Variants in SGCZ observed in about 807,000 individuals in gnomAD.
SGCZ encodes the protein sarcoglycan zeta, also known as zeta-sarcoglycan.
A neutral mutation model predicts 41.3 loss-of-function variants in SGCZ; 40 were observed. That is an observed-to-expected ratio of 0.97 (90% CI 0.75 to 1.26). SGCZ has a LOEUF of 1.26. Ranked by LOEUF, SGCZ falls within the 50% of genes most tolerant of loss-of-function variation. The pLI is 0.00. For missense variants in SGCZ, 552 were observed against 369.8 expected (o/e 1.49, Z -4.04); for synonymous variants, 206 against 137.5 (o/e 1.50, Z -3.49).
At chr8:14,512,140 C>T (rs905547490) in intron 2 of SGCZ, among the ~76,000 whole-genome samples, 2 of 152,108 alleles carry the variant, frequency 1.3e-5, no homozygotes, top group Admixed American at 6.6e-5. Context: ...GTATTTTCTA[C>T]TCTGTTAGGA....
chr8:14,243,934 C>T (rs1353824139), intron 3 of SGCZ, among the ~76,000 whole-genome samples: 2 of 152,144 alleles, frequency 1.3e-5, no homozygotes, highest in African/African-American at 2.4e-5. Flanking sequence ...GTCCTGAAAA[C>T]ATAGTATGCT....
intron 1 of SGCZ, among the ~76,000 whole-genome samples, chr8:15,003,996 G>A (rs560759380): frequency 3.9e-5 from 6 of 152,058 alleles, no homozygotes; most frequent in Non-Finnish European, 5.9e-5. Flanking sequence ...AGCAGGAGGG[G>A]GGAAGCCCCT....
Position 14,437,935 on chromosome 8 carries a change from G to C in SGCZ, c.235-113731C>G, listed in dbSNP as rs188256432. On this transcript the variant is annotated intron_variant, in intron 2 of 7. Coordinates refer to ENST00000382080, the MANE Select transcript of SGCZ (RefSeq NM_139167.4). ...TGTAAAGCTAGATGATTACCGATTT[G>C]TGTTGTAAATAGTTTGGCATATAAA... Among the ~76,000 whole-genome samples the C allele has an allele frequency of 2.0e-5, 3 of 151,914 alleles. No individual in the cohort carries two copies. In the East Asian group the frequency reaches 5.8e-4, roughly 29 times the overall value.
chr8:14,920,919 A>G (rs1799570771), intron 1 of SGCZ, among the ~76,000 whole-genome samples: 1 of 152,190 alleles, frequency 6.6e-6, no homozygotes, highest in Non-Finnish European at 1.5e-5. Flanking sequence ...TCATTTTCCC[A>G]GCCATCAGCA....
chr8:14,696,361 C>G (rs147859993), intron 1 of SGCZ, among the ~76,000 whole-genome samples: 5 of 152,144 alleles, frequency 3.3e-5, no homozygotes, highest in African/African-American at 1.2e-4. Flanking sequence ...CTGAGTGAGA[C>G]TGGGAATTGC....
At chr8:14,531,275 C>T (rs1237124980) in intron 2 of SGCZ, among the ~76,000 whole-genome samples, 2 of 47,282 alleles carry the variant, frequency 4.2e-5, no homozygotes, top group African/African-American at 1.3e-4. Flanking sequence ...TGGCAATCCA[C>T]TTTCGGGTCC....
At chr8:15,123,391 ATC>A (rs1244099301) in intron 1 of SGCZ, among the ~76,000 whole-genome samples, 1 of 152,082 alleles carries the variant, frequency 6.6e-6, no homozygotes, top group East Asian at 1.9e-4. Context: ...CTTGCATTGT[ATC>A]TTATATGCAA....
intron 2 of SGCZ, among the ~76,000 whole-genome samples, chr8:14,370,826 G>C (rs1803883214): frequency 6.6e-6 from 1 of 151,536 alleles, no homozygotes; most frequent in Non-Finnish European, 1.5e-5. Context: ...CATAGTTTTT[G>C]GTAAAAATTT....
intron 1 of SGCZ, among the ~76,000 whole-genome samples, chr8:14,947,236 G>A (rs950775224): frequency 6.6e-6 from 1 of 152,136 alleles, no homozygotes; most frequent in African/African-American, 2.4e-5. Context: ...GAAATATCCC[G>A]GAAGTATTTC....
intron 2 of SGCZ, among the ~76,000 whole-genome samples, chr8:14,437,096 T>G (rs1162012919): frequency 1.3e-5 from 2 of 152,188 alleles, no homozygotes; most frequent in Non-Finnish European, 2.9e-5. Flanking sequence ...ATTTTTATAT[T>G]ATAAAATAGA....
At chr8:14,358,232 A>G (rs1803366013) in intron 2 of SGCZ, among the ~76,000 whole-genome samples, 2 of 152,136 alleles carry the variant, frequency 1.3e-5, no homozygotes. Context: ...AACTATAAAT[A>G]TATTATCGCA....
chr8:14,879,497 C>A (rs547041518), intron 1 of SGCZ, among the ~76,000 whole-genome samples: 1 of 152,030 alleles, frequency 6.6e-6, no homozygotes, highest in Non-Finnish European at 1.5e-5. Context: ...TGGGAAGTAT[C>A]TCCTGATTCA....
At chr8:14,231,775 A>G (rs1414715383) in intron 4 of SGCZ, among the ~76,000 whole-genome samples, 2 of 152,280 alleles carry the variant, frequency 1.3e-5, no homozygotes, top group Non-Finnish European at 2.9e-5. Context: ...TGTACATTTT[A>G]TTCAGCACAT....
chr8:14,689,484 T>C (rs956878942), intron 1 of SGCZ, among the ~76,000 whole-genome samples: 1 of 152,192 alleles, frequency 6.6e-6, no homozygotes, highest in Admixed American at 6.6e-5. Context: ...TAACAATTCA[T>C]TTGTTTTACA....
chr8:15,042,276 G>A (rs1158118054), intron 1 of SGCZ, among the ~76,000 whole-genome samples: 1 of 152,134 alleles, frequency 6.6e-6, no homozygotes, highest in South Asian at 2.1e-4. Context: ...ATGCCTAGCT[G>A]ACGGCAGTTC....
chr8:14,857,342 G>A (rs182468818), intron 1 of SGCZ, among the ~76,000 whole-genome samples: 41 of 152,054 alleles, frequency 2.7e-4, no homozygotes, highest in Admixed American at 4.6e-4. Context: ...GTGAAAAAAC[G>A]AATACACTAG....
At chr8:15,087,192 T>G (rs1805981119) in intron 1 of SGCZ, among the ~76,000 whole-genome samples, 1 of 152,036 alleles carries the variant, frequency 6.6e-6, no homozygotes, top group African/African-American at 2.4e-5. Flanking sequence ...ACATAACCAG[T>G]GCTACAAAAT....
chr8:14,189,085 C>A (rs1805008162), intron 4 of SGCZ, among the ~76,000 whole-genome samples: 1 of 151,210 alleles, frequency 6.6e-6, no homozygotes, highest in Non-Finnish European at 1.5e-5. Flanking sequence ...TCTTGAACTC[C>A]TGACCTCAGG....
intron 2 of SGCZ, among the ~76,000 whole-genome samples, chr8:14,332,320 A>G (rs966178162): frequency 6.6e-6 from 1 of 152,140 alleles, no homozygotes; most frequent in Non-Finnish European, 1.5e-5. Context: ...GGGTGCCTGT[A>G]GTCCCAGCTA....
Sources: allele counts gnomAD v4.1 joint callset (sites outside exome capture counted in the v4.1 genomes callset), GRCh38; gene constraint gnomAD v4.1.1; transcripts MANE v1.5; gene names NCBI Gene and HGNC (gene_info 2026-07-23, HGNC 2026-07-21).